The following TUBD1 variants were observed in gnomAD, a reference collection of about 807,000 sequenced individuals.
The protein encoded by TUBD1 is tubulin delta 1.
In TUBD1, 38 loss-of-function variants were observed where a neutral mutation model predicts 51.2. The observed-to-expected ratio is 0.74, with a 90% CI of 0.57 to 0.97. TUBD1 has a LOEUF of 0.97. Ranked by LOEUF, TUBD1 falls within the 50% of genes least tolerant of loss-of-function variation. The pLI, the probability that TUBD1 is intolerant of heterozygous loss-of-function variation, is 0.00. For synonymous variants in TUBD1, 169 were observed against 178.2 expected, an observed-to-expected ratio of 0.95 and a Z score of 0.41; for missense variants, 489 against 538.4, an observed-to-expected ratio of 0.91 and a Z score of 0.91.
chr17:59,888,237 T>C (rs1264525793), intron 2 of TUBD1, among the ~76,000 whole-genome samples: 2 of 152,092 alleles, frequency 1.3e-5, no homozygotes, highest in African/African-American at 2.4e-5. Context: ...ACCCGGCCGA[T>C]GTCTTTTTAA....
intron 8 of TUBD1, among the ~76,000 whole-genome samples, chr17:59,862,380 G>GTC (rs2039493376): frequency 6.6e-6 from 1 of 151,656 alleles, no homozygotes; most frequent in Non-Finnish European, 1.5e-5. Context: ...GAAGAATTTT[G>GTC]CTTTGACTTA....
intron 4 of TUBD1, chr17:59,878,614 G>A (rs1395303337): frequency 3.3e-6 from 1 of 302,410 alleles, no homozygotes; most frequent in Non-Finnish European, 6.3e-6. Context: ...CGAGCAGCTG[G>A]AATTACAGGC....
At chr17:59,879,843 T>C (rs1333675093) in intron 4 of TUBD1, among the ~76,000 whole-genome samples, 1 of 151,828 alleles carries the variant, frequency 6.6e-6, no homozygotes, top group East Asian at 1.9e-4. Flanking sequence ...AACCTCTGTC[T>C]CCCGGGTTCA....
chr17:59,870,374 A>G, intron 6 of TUBD1, among the ~76,000 whole-genome samples: 1 of 17,220 alleles, frequency 5.8e-5, no homozygotes, highest in Non-Finnish European at 1.0e-4. Context: ...CCATCTCACA[A>G]AAAAAAAAAA....
intron 5 of TUBD1, 129 bp downstream of exon 5, chr17:59,877,969 AGATGT>A (rs1228741455): frequency 1.5e-6 from 1 of 682,574 alleles, no homozygotes; most frequent in Non-Finnish European, 2.4e-6. Flanking sequence ...GAGAACTAGC[AGATGT>A]GAAGAAAGGG....
chr17:59,872,712 G>A (rs1049204404), intron 6 of TUBD1, among the ~76,000 whole-genome samples: 1 of 151,188 alleles, frequency 6.6e-6, no homozygotes, highest in Non-Finnish European at 1.5e-5. Flanking sequence ...GTGTGTGTGT[G>A]TGTGTGTGTG....
intron 4 of TUBD1, among the ~76,000 whole-genome samples, chr17:59,879,117 A>G (rs981457864): frequency 6.6e-6 from 1 of 152,016 alleles, no homozygotes; most frequent in Non-Finnish European, 1.5e-5. Flanking sequence ...CCTCTACTAA[A>G]AATACAAAAT....
chr17:59,887,501 C>G (rs1316767950), intron 2 of TUBD1, among the ~76,000 whole-genome samples: 1 of 152,126 alleles, frequency 6.6e-6, no homozygotes, highest in Non-Finnish European at 1.5e-5. Context: ...GGTACAACAT[C>G]CAGCTCAGAA....
intron 3 of TUBD1, among the ~76,000 whole-genome samples, chr17:59,881,356 G>A (rs1181827411): frequency 6.6e-6 from 1 of 152,148 alleles, no homozygotes; most frequent in Non-Finnish European, 1.5e-5. Context: ...ATATCCTATT[G>A]CTCAAGGTTA....
intron 4 of TUBD1, 101 bp from the exon 5 acceptor site, chr17:59,878,435 C>A: frequency 1.3e-6 from 1 of 767,424 alleles, no homozygotes; most frequent in Non-Finnish European, 2.1e-6. Context: ...CGGGCTCTGT[C>A]ACTTTCTAGC....
At chr17:59,889,350 G>A (rs1480309758) in intron 2 of TUBD1, among the ~76,000 whole-genome samples, 13 of 151,348 alleles carry the variant, frequency 8.6e-5, no homozygotes, top group African/African-American at 2.9e-4. Flanking sequence ...ATCAAACGCA[G>A]TAGAGGAGTA....
intron 3 of TUBD1, 50 bp downstream of exon 3, chr17:59,886,033 T>C (rs1486273939): frequency 3.1e-6 from 5 of 1,592,984 alleles, no homozygotes; most frequent in East Asian, 4.5e-5. Flanking sequence ...TATCTATTAA[T>C]TGACTGTGTA....
chr17:59,889,883 T>C (rs985718042), intron 2 of TUBD1, among the ~76,000 whole-genome samples: 1 of 150,486 alleles, frequency 6.6e-6, no homozygotes, highest in Non-Finnish European at 1.5e-5. Flanking sequence ...GGCAGGAGAA[T>C]TGCTTGAACA....
Position 59,872,858 on chromosome 17 carries a change from C to T in TUBD1, c.934+1681G>A, listed in dbSNP as rs549712519. On this transcript the variant is annotated intron_variant, in intron 6 of 8. Transcript: ENST00000325752. ...CATAGCTCACTGTAACCTCTGCCTC[C>T]CGGGTTCAAGCAATTCTCCTGCCTC... 1.2e-4 allele frequency among the ~76,000 whole-genome samples: 18 copies of T among 151,902 alleles called. No homozygotes were observed. The East Asian group carries it at 3.5e-3, about 29-fold the overall frequency.
chr17:59,861,481 G>T (rs956437356), intron 8 of TUBD1, among the ~76,000 whole-genome samples: 1 of 151,932 alleles, frequency 6.6e-6, no homozygotes, highest in Non-Finnish European at 1.5e-5. Flanking sequence ...TTACAAGCGT[G>T]AGCCACCATG....
In TUBD1 at chr17:59,860,234, A is replaced by G; in HGVS notation, c.*88T>C. The stretch of plus-strand genomic sequence containing the variant: ...TGTTTCACCGTGTTAGCCAGGATGG[A>G]GAACTTTGAAAACTTTACAGAGAAA... On this transcript the variant is annotated 3_prime_UTR_variant, in exon 9 of 9. Coordinates refer to ENST00000325752, the MANE Select transcript of TUBD1 (RefSeq NM_016261.4). 1 of 990,064 alleles carries G rather than the reference A, an allele frequency of 1.0e-6. No individual in the cohort carries two copies. Among genetic ancestry groups the G allele is most frequent in the Non-Finnish European group, 1.5e-6 (1 of 650,116 alleles). 61.3% of individuals were successfully genotyped at this position (990,064 alleles called of 1,614,324 possible). A position where few individuals can be genotyped will look rare whatever the true frequency, so the allele number is the denominator to read the frequency against.
At chr17:59,863,962 A>C (rs1399707641) in intron 7 of TUBD1, 115 bp from the exon 8 acceptor site, 4 of 978,370 alleles carry the variant, frequency 4.1e-6, no homozygotes, top group Non-Finnish European at 2.8e-6. Context: ...TTGCCTTTTA[A>C]AACTTGTGAT....
rs112502783 is a variant in TUBD1 at position 59,867,779 on chromosome 17, G to A, written c.935-1030C>T. Among the ~76,000 whole-genome samples the A allele has an allele frequency of 4.3e-4, 65 of 152,110 alleles. 1 individual carries two copies. The highest frequency in any genetic ancestry group is 1.6e-3 in the African/African-American group (65 of 41,526). ...ACTTTTGGGGGCTTTGGGAGGGGAG[G>A]AGTGTACTGTGCATGTGGGAGGACA... On this transcript the variant is annotated intron_variant, in intron 6 of 8. Coordinates refer to ENST00000325752, the MANE Select transcript of TUBD1 (RefSeq NM_016261.4).
rs138105892 is a variant in TUBD1, at chr17:59,870,155, G to A, written c.935-3406C>T. On this transcript the variant is annotated intron_variant, in intron 6 of 8. Transcript: ENST00000325752. Reference sequence around the variant, plus strand: ...GCATGTGGATCACTTGAGGTCAGGAGTTCAAGACCAGCCTGGCCAACATGA... The same window carrying A: ...GCATGTGGATCACTTGAGGTCAGGAATTCAAGACCAGCCTGGCCAACATGA... 1.3e-3 allele frequency among the ~76,000 whole-genome samples: 194 copies of A among 152,020 alleles called. 1 individual carries two copies. Among genetic ancestry groups the A allele is most frequent in the East Asian group, 8.5e-3 (44 of 5,168 alleles).
Sources: allele counts gnomAD v4.1 joint callset (sites outside exome capture counted in the v4.1 genomes callset), GRCh38; gene constraint gnomAD v4.1.1; transcripts MANE v1.5; gene names NCBI Gene and HGNC (gene_info 2026-07-23, HGNC 2026-07-21).